NUB1: variants seen among roughly 807,000 people sequenced by gnomAD.
NUB1 encodes negative regulator of ubiquitin like proteins 1, also known as NEDD8 ultimate buster 1.
In NUB1, 41 loss-of-function variants were observed where a neutral mutation model predicts 77.1. The ratio of observed to expected loss-of-function variants is 0.53; its 90% CI spans 0.41 to 0.69. The LOEUF (loss-of-function observed/expected upper bound fraction) is 0.69. Ranked by LOEUF, NUB1 falls within the 30% of genes least tolerant of loss-of-function variation. The pLI is 0.00. For missense variants in NUB1, 643 were observed against 743.8 expected (o/e 0.86, Z 1.58); for synonymous variants, 257 against 281.0 (o/e 0.91, Z 0.85).
Position 151,356,165 on chromosome 7 carries a change from C to G in NUB1, c.636C>G (p.Tyr212Ter), listed in dbSNP as rs749093560. Reference sequence around the variant, plus strand: ...TGGTGGATCCAGAAATGACACCGTACTTAGACATAGCTAACCAGACAGGCA... The same window carrying G: ...TGGTGGATCCAGAAATGACACCGTAGTTAGACATAGCTAACCAGACAGGCA... ...ETVVDPEMTPYLDIANQTGRS... is the reference protein window; with the variant it reads ...ETVVDPEMTP The change falls in exon 7 of 15, where the codon TAC (tyrosine) becomes TAG (stop). Residue 212 changes from tyrosine to a stop codon, truncating the protein, a stop_gained. Coordinates refer to ENST00000568733, the MANE Select transcript of NUB1 (RefSeq NM_001243351.2). LOFTEE classifies it high-confidence loss of function. The G allele has an allele frequency of 1.2e-6, 2 of 1,613,932 alleles. No individual in the cohort carries two copies. Among genetic ancestry groups the G allele is most frequent in the Non-Finnish European group, 1.7e-6 (2 of 1,179,824 alleles).
intron 10 of NUB1, among the ~76,000 whole-genome samples, chr7:151,368,208 C>G (rs916407773): frequency 6.6e-6 from 1 of 152,122 alleles, no homozygotes; most frequent in Non-Finnish European, 1.5e-5. Context: ...CTCATCTTGC[C>G]GTCTAGAGGT....
intron 8 of NUB1, among the ~76,000 whole-genome samples, chr7:151,365,073 C>T (rs1279728354): frequency 6.6e-6 from 1 of 151,436 alleles, no homozygotes; most frequent in East Asian, 1.9e-4. Context: ...ATTTTCCTGC[C>T]TCGGCCTCCC....
At chr7:151,371,363 A>AC (rs57489077) in intron 11 of NUB1, among the ~76,000 whole-genome samples, 68,310 of 119,130 alleles carry the variant, frequency 0.57, 14,992 homozygotes, top group East Asian at 0.76. Flanking sequence ...TTTTACCCCC[A>AC]CCCCCCACCC....
intron 12 of NUB1, chr7:151,374,474 G>A: frequency 1.6e-6 from 1 of 612,378 alleles, no homozygotes; most frequent in Admixed American, 2.7e-5. Context: ...CGTGGTGCCT[G>A]TCCACACCAG....
At chr7:151,343,250 C>T (rs930307713) in intron 1 of NUB1, among the ~76,000 whole-genome samples, 1 of 152,236 alleles carries the variant, frequency 6.6e-6, no homozygotes, top group African/African-American at 2.4e-5. Context: ...AGGTTGCACA[C>T]AGCAGCCTCA....
intron 9 of NUB1, 117 bp downstream of exon 9, chr7:151,367,242 C>A (rs1241192426): frequency 1.6e-5 from 12 of 745,018 alleles, no homozygotes; most frequent in African/African-American, 1.2e-4. Flanking sequence ...TAGTAGTATG[C>A]AGTATAGTCT....
intron 11 of NUB1, among the ~76,000 whole-genome samples, chr7:151,370,065 A>G (rs1797886434): frequency 6.6e-6 from 1 of 151,648 alleles, no homozygotes; most frequent in Non-Finnish European, 1.5e-5. Flanking sequence ...GTCAATGAGT[A>G]GGTAAAGGCA....
intron 11 of NUB1, among the ~76,000 whole-genome samples, chr7:151,372,049 A>G (rs1379331134): frequency 6.6e-6 from 1 of 152,194 alleles, no homozygotes; most frequent in African/African-American, 2.4e-5. Flanking sequence ...TTTGTGCAAT[A>G]TGGCCCTGAG....
In NUB1 at chr7:151,349,101, T is replaced by C; in HGVS notation, c.146T>C (p.Leu49Pro). Residue 49 changes from leucine (L) to proline (P), a missense_variant, in exon 3 of 15, where the codon CTA (leucine) becomes CCA (proline). Transcript: ENST00000568733. ...CTTGCTAAGCAGTACTCTGACAGACTAGAATGCTGTGAAAATGAAGTAGAA... is the reference window on the plus strand; with the variant it reads ...CTTGCTAAGCAGTACTCTGACAGACCAGAATGCTGTGAAAATGAAGTAGAA... ...KDLAKQYSDR[L>P]ECCENEVEKV... The C allele has an allele frequency of 6.2e-7, 1 of 1,613,496 alleles. No homozygotes were observed. The highest frequency in any genetic ancestry group is 8.5e-7 in the Non-Finnish European group (1 of 1,179,766).
chr7:151,369,576 CAATT>C (rs1005835687), intron 11 of NUB1, among the ~76,000 whole-genome samples: 3 of 152,150 alleles, frequency 2.0e-5, no homozygotes, highest in Non-Finnish European at 4.4e-5. Context: ...TCATTTGAAA[CAATT>C]AAGTACATTA....
In NUB1 at chr7:151,347,744, C is replaced by T. The variant is rs568639951; in HGVS notation, c.118-1329C>T. ...AAAGTGCTGGGATTACAGGCATGAGCCATCGCGCCCAATCTATACTCATAT... is the reference window on the plus strand; with the variant it reads ...AAAGTGCTGGGATTACAGGCATGAGTCATCGCGCCCAATCTATACTCATAT... On this transcript the variant is annotated intron_variant, in intron 2 of 14. Coordinates refer to ENST00000568733, the MANE Select transcript of NUB1 (RefSeq NM_001243351.2). Among the ~76,000 whole-genome samples the T allele has an allele frequency of 2.6e-5, 4 of 152,378 alleles. No individual in the cohort carries two copies. The South Asian group carries it at 8.3e-4, about 32-fold the overall frequency.
intron 5 of NUB1, 77 bp downstream of exon 5, chr7:151,352,959 C>A: frequency 3.9e-6 from 3 of 772,176 alleles, no homozygotes; most frequent in South Asian, 3.6e-5. Flanking sequence ...TTCTCAATGT[C>A]TTTTCAAAAA....
intron 7 of NUB1, among the ~76,000 whole-genome samples, chr7:151,358,939 C>G (rs1395187363): frequency 6.6e-6 from 1 of 151,390 alleles, no homozygotes; most frequent in Non-Finnish European, 1.5e-5. Context: ...GTGGTGGGCG[C>G]CTGTAGTCCC....
At chr7:151,349,733 T>C (rs1796695153) in intron 3 of NUB1, among the ~76,000 whole-genome samples, 1 of 152,218 alleles carries the variant, frequency 6.6e-6, no homozygotes, top group Non-Finnish European at 1.5e-5. Context: ...CCAGAGCCTC[T>C]TGGGACTGAT....
intron 2 of NUB1, among the ~76,000 whole-genome samples, chr7:151,347,450 T>C (rs2150663876): frequency 6.6e-6 from 1 of 152,180 alleles, no homozygotes; most frequent in South Asian, 2.1e-4. Flanking sequence ...TTATGTTACT[T>C]ACAAAATTTT....
At chr7:151,358,317 T>A (rs1797185476) in intron 7 of NUB1, among the ~76,000 whole-genome samples, 1 of 152,218 alleles carries the variant, frequency 6.6e-6, no homozygotes, top group African/African-American at 2.4e-5. Flanking sequence ...ACTGCTCTCT[T>A]ACATTGAATG....
intron 2 of NUB1, among the ~76,000 whole-genome samples, chr7:151,345,954 G>A (rs962690377): frequency 6.6e-6 from 1 of 152,100 alleles, no homozygotes; most frequent in Non-Finnish European, 1.5e-5. Flanking sequence ...GGCATCATCA[G>A]AAATGATATT....
chr7:151,365,705 A>G (rs1563024089), intron 8 of NUB1, among the ~76,000 whole-genome samples: 1 of 152,232 alleles, frequency 6.6e-6, no homozygotes. Flanking sequence ...CTGCGTGCAC[A>G]CGTGTGTAAA....
At chr7:151,376,564 T>TC in intron 13 of NUB1, 70 bp from the exon 14 acceptor site, 1 of 1,432,638 alleles carries the variant, frequency 7.0e-7, no homozygotes, top group Non-Finnish European at 9.4e-7. Flanking sequence ...GGCTGTCCAC[T>TC]CGTATGGCTG....
Sources: gnomAD v4.1 joint callset for allele counts (sites outside exome capture counted in the v4.1 genomes callset) on GRCh38, gnomAD v4.1.1 for gene constraint, MANE v1.5 for transcripts, NCBI Gene and HGNC (gene_info 2026-07-23, HGNC 2026-07-21) for gene names.